PCSK5: variants seen among roughly 807,000 people sequenced by gnomAD.
The protein encoded by PCSK5 is proprotein convertase subtilisin/kexin type 5.
Under a neutral mutation model 233.2 loss-of-function variants are expected in PCSK5, and 129 were observed. The ratio of observed to expected loss-of-function variants is 0.55; its 90% CI spans 0.48 to 0.64. PCSK5 has a LOEUF of 0.64. PCSK5 is among the 30% of genes least tolerant of loss of function. PCSK5 has a pLI of 0.00. For missense variants in PCSK5, 2,076 were observed against 2,430.1 expected, an observed-to-expected ratio of 0.85 and a Z score of 3.06; for synonymous variants, 825 against 879.2, an observed-to-expected ratio of 0.94 and a Z score of 1.09.
Position 76,158,187 on chromosome 9 carries a change from T to C in PCSK5, c.1431-796T>C, listed in dbSNP as rs192798426. On this transcript the variant is annotated intron_variant, in intron 11 of 37. Coordinates refer to ENST00000674117, the MANE Select transcript of PCSK5 (RefSeq NM_001372043.1). ...ATAAGTATATAATTACAAATTCTAA[T>C]AAACAAATGTTGGAAATTTAAAAAA... Among the ~76,000 whole-genome samples, 19 of 152,292 alleles carry C rather than the reference T, an allele frequency of 1.2e-4. No homozygotes were observed. The East Asian group carries it at 3.5e-3, about 28-fold the overall frequency.
intron 3 of PCSK5, among the ~76,000 whole-genome samples, chr9:76,009,155 A>G (rs897935546): frequency 2.6e-5 from 4 of 152,190 alleles, no homozygotes; most frequent in Admixed American, 6.6e-5. Flanking sequence ...TGCGCAAAAT[A>G]TTTGTTGAAT....
intron 1 of PCSK5, among the ~76,000 whole-genome samples, chr9:75,913,838 C>T (rs893800322): frequency 2.8e-4 from 42 of 151,822 alleles, no homozygotes; most frequent in African/African-American, 9.7e-4. Flanking sequence ...TGCAGTAATA[C>T]AGTAATTCCT....
chr9:76,332,557 C>A lies in PCSK5; in HGVS notation c.4695C>A (p.Cys1565Ter). Residue 1565 changes from cysteine to a stop codon, truncating the protein, a stop_gained, in exon 34 of 38, where the codon TGC becomes TGA. Coordinates refer to ENST00000674117, the MANE Select transcript of PCSK5 (RefSeq NM_001372043.1). LOFTEE classifies it high-confidence loss of function. Reference sequence around the variant, plus strand: ...GACACAGCAGGCAGTGCCACTCCTGCCGACCGGGCTGGTTCCAGCTAGGAA... The same window carrying A: ...GACACAGCAGGCAGTGCCACTCCTGACGACCGGGCTGGTTCCAGCTAGGAA... ...EGRHSRQCHS[C>*]RPGWFQLGKE... is the part of the protein sequence containing the mutation. 1 of 1,611,364 alleles carries A rather than the reference C, an allele frequency of 6.2e-7. No homozygotes were observed. Among genetic ancestry groups the A allele is most frequent in the Non-Finnish European group, 8.5e-7 (1 of 1,179,150 alleles).
intron 2 of PCSK5, among the ~76,000 whole-genome samples, chr9:75,965,005 A>G (rs1169669432): frequency 6.6e-6 from 1 of 152,174 alleles, no homozygotes; most frequent in Admixed American, 6.5e-5. Context: ...CTGAGGGGGA[A>G]CAGACCTTTC....
intron 1 of PCSK5, among the ~76,000 whole-genome samples, chr9:75,891,741 T>C (rs1333675901): frequency 1.4e-5 from 2 of 145,276 alleles, no homozygotes; most frequent in Non-Finnish European, 3.0e-5. Context: ...AGGGTGATCG[T>C]GGGGAGAGGG....
intron 20 of PCSK5, chr9:76,193,426 A>AAT: frequency 3.0e-6 from 3 of 987,184 alleles, no homozygotes; most frequent in Non-Finnish European, 4.1e-6. Flanking sequence ...AAAAGCCAAA[A>AAT]AGAAAAAAAA....
At chr9:76,118,280 T>C (rs1832507555) in intron 9 of PCSK5, among the ~76,000 whole-genome samples, 1 of 151,994 alleles carries the variant, frequency 6.6e-6, no homozygotes, top group Admixed American at 6.6e-5. Context: ...AATGGCAATG[T>C]AGGTTATTTT....
At chr9:76,334,193 C>T (rs7026762) in intron 34 of PCSK5, among the ~76,000 whole-genome samples, 33,888 of 152,050 alleles carry the variant, frequency 0.22, 3,966 homozygotes, top group Middle Eastern at 0.34. Flanking sequence ...GGGGAAACCG[C>T]CCCTACAATC....
chr9:75,977,325 T>A (rs1028982139), intron 2 of PCSK5, among the ~76,000 whole-genome samples: 4 of 151,782 alleles, frequency 2.6e-5, no homozygotes, highest in African/African-American at 9.7e-5. Flanking sequence ...AGATCATCCC[T>A]TCACCTTGGT....
chr9:75,963,707 C>T (rs1284225346), intron 2 of PCSK5, among the ~76,000 whole-genome samples: 7 of 152,126 alleles, frequency 4.6e-5, no homozygotes, highest in African/African-American at 9.7e-5. Context: ...GGTGAAACCC[C>T]GTCTCTACTA....
At chr9:76,212,168 A>G (rs1825353384) in intron 20 of PCSK5, among the ~76,000 whole-genome samples, 1 of 152,116 alleles carries the variant, frequency 6.6e-6, no homozygotes. Flanking sequence ...CTGGCCAAGG[A>G]CAGGATGGCC....
At chr9:75,943,450 A>G (rs1408472315) in intron 2 of PCSK5, among the ~76,000 whole-genome samples, 6 of 152,216 alleles carry the variant, frequency 3.9e-5, no homozygotes, top group Non-Finnish European at 8.8e-5. Flanking sequence ...GTACTAATTC[A>G]TGTCTTTATT....
At chr9:76,312,987 A>T (rs1289900226) in intron 30 of PCSK5, among the ~76,000 whole-genome samples, 1 of 152,212 alleles carries the variant, frequency 6.6e-6, no homozygotes, top group Non-Finnish European at 1.5e-5. Flanking sequence ...AAGAGAAAAG[A>T]AAACATTTTA....
intron 20 of PCSK5, among the ~76,000 whole-genome samples, chr9:76,192,033 C>A (rs542546797): frequency 7.8e-6 from 1 of 128,552 alleles, no homozygotes; most frequent in Non-Finnish European, 1.5e-5. Flanking sequence ...GAGCAGAGAT[C>A]GTGTCCAGCC....
At chr9:76,001,191 A>C (rs1247533254) in intron 3 of PCSK5, among the ~76,000 whole-genome samples, 2 of 152,146 alleles carry the variant, frequency 1.3e-5, no homozygotes. Flanking sequence ...CGCTGTGTAC[A>C]ACACTCTCTT....
At chr9:76,218,853 A>AT (rs1825632274) in intron 20 of PCSK5, among the ~76,000 whole-genome samples, 1 of 152,032 alleles carries the variant, frequency 6.6e-6, no homozygotes, top group South Asian at 2.1e-4. Flanking sequence ...GCACGGAGCA[A>AT]ACCTTGATTC....
chr9:76,072,035 A>G, intron 7 of PCSK5, 137 bp downstream of exon 7: 1 of 710,104 alleles, frequency 1.4e-6, no homozygotes, highest in Non-Finnish European at 2.2e-6. Context: ...GCTAATGGAA[A>G]GAGGTGGTGA....
intron 4 of PCSK5, among the ~76,000 whole-genome samples, chr9:76,025,992 A>C (rs900494674): frequency 1.3e-5 from 2 of 152,090 alleles, no homozygotes; most frequent in Admixed American, 1.3e-4. Context: ...AGTCTCACCT[A>C]CTCAGGAGCT....
rs942515083 is a variant in PCSK5 at position 75,900,853 on chromosome 9, C to T, written c.192+9480C>T. 2.6e-5 allele frequency among the ~76,000 whole-genome samples: 4 copies of T among 151,958 alleles called. No homozygotes were observed. The South Asian group carries it at 8.3e-4, about 32-fold the overall frequency. On this transcript the variant is annotated intron_variant, in intron 1 of 37. Transcript: ENST00000674117. ...TTGTGTGTGTGTGTCTAATTACACA[C>T]CTATCCTTCCACTAGCTGGTGAGCT...
Sources: gnomAD v4.1 joint callset for allele counts (sites outside exome capture counted in the v4.1 genomes callset) on GRCh38, gnomAD v4.1.1 for gene constraint, MANE v1.5 for transcripts, NCBI Gene and HGNC (gene_info 2026-07-23, HGNC 2026-07-21) for gene names.